The following DDX59 variants were observed in gnomAD, a reference collection of about 807,000 sequenced individuals.
DDX59 encodes probable ATP-dependent RNA helicase DDX59.
A neutral mutation model predicts 51.9 loss-of-function variants in DDX59; 30 were observed. The observed-to-expected ratio is 0.58, with a 90% CI of 0.43 to 0.78. The LOEUF (loss-of-function observed/expected upper bound fraction) is 0.78. DDX59 is among the 30% of genes least tolerant of loss of function. The pLI is 0.00. For synonymous variants in DDX59, 255 were observed against 253.3 expected (o/e 1.01, Z -0.06); for missense variants, 672 against 730.8 (o/e 0.92, Z 0.93).
In DDX59 at chr1:200,644,118, C is replaced by T. The variant is rs1397709331; in HGVS notation, c.*136G>A. 1.5e-6 allele frequency: 1 copy of T among 669,496 alleles called. No homozygotes were observed. Among genetic ancestry groups the T allele is most frequent in the African/African-American group, 1.9e-5 (1 of 51,824 alleles). 41.5% of individuals were successfully genotyped at this position (669,496 alleles called of 1,614,324 possible). A position where few individuals can be genotyped will look rare whatever the true frequency, so the allele number is the denominator to read the frequency against. On this transcript the variant is annotated 3_prime_UTR_variant, in exon 8 of 8. Coordinates refer to ENST00000331314, the MANE Select transcript of DDX59 (RefSeq NM_001031725.6). ...TTATAAGAATTAAGGGAAATAAATA[C>T]AATATAGTTATATAAATTTTATTAA...
At chr1:200,656,173 C>A (rs1662010109) in intron 4 of DDX59, among the ~76,000 whole-genome samples, 1 of 152,122 alleles carries the variant, frequency 6.6e-6, no homozygotes, top group Non-Finnish European at 1.5e-5. Flanking sequence ...CAGCCATTGG[C>A]AAACTACAGC....
intron 4 of DDX59, among the ~76,000 whole-genome samples, chr1:200,654,282 G>A (rs1320976387): frequency 1.3e-5 from 2 of 152,026 alleles, no homozygotes; most frequent in Non-Finnish European, 2.9e-5. Flanking sequence ...GCATGGTGGT[G>A]GGCGCCTGTA....
At chr1:200,657,127 G>C (rs1475259747) in intron 4 of DDX59, among the ~76,000 whole-genome samples, 1 of 151,714 alleles carries the variant, frequency 6.6e-6, no homozygotes, top group African/African-American at 2.4e-5. Context: ...GCACATGCCT[G>C]TAATCCCAGC....
intron 4 of DDX59, among the ~76,000 whole-genome samples, chr1:200,652,748 A>G (rs1349323989): frequency 6.9e-6 from 1 of 145,632 alleles, no homozygotes; most frequent in African/African-American, 2.6e-5. Flanking sequence ...GGCTCACTGC[A>G]ACTTCTGCCT....
At chr1:200,644,611 A>C in intron 7 of DDX59, 94 bp from the exon 8 acceptor site, 2 of 1,438,382 alleles carry the variant, frequency 1.4e-6, no homozygotes, top group Non-Finnish European at 1.8e-6. Flanking sequence ...AAGTAGCATT[A>C]CTGGCTGGGT....
Position 200,666,662 on chromosome 1 carries a change from G to A in DDX59, c.79C>T (p.Pro27Ser). 6.2e-7 allele frequency: 1 copy of A among 1,614,166 alleles called. No homozygotes were observed. The highest frequency in any genetic ancestry group is 8.5e-7 in the Non-Finnish European group (1 of 1,180,026). ...GKSCVAKIIK[P>S]DPEDLQLDKS... ...TCCAACTGAAGGTCTTCTGGGTCTGGTTTAATTATCTTAGCCACACAACTT... is the reference window on the plus strand; with the variant it reads ...TCCAACTGAAGGTCTTCTGGGTCTGATTTAATTATCTTAGCCACACAACTT... The change falls in exon 2 of 8, where the codon CCA (proline) becomes TCA (serine). Residue 27 changes from proline to serine, a missense_variant. Transcript: ENST00000331314.
chr1:200,646,013 A>G (rs888190029), intron 7 of DDX59, among the ~76,000 whole-genome samples: 4 of 152,232 alleles, frequency 2.6e-5, no homozygotes, highest in African/African-American at 9.6e-5. Flanking sequence ...AAATAAAAAA[A>G]TTCAAAAAGA....
At chr1:200,653,776 A>C (rs1661821189) in intron 4 of DDX59, among the ~76,000 whole-genome samples, 1 of 152,102 alleles carries the variant, frequency 6.6e-6, no homozygotes, top group Admixed American at 6.6e-5. Context: ...CCTGGCTGAA[A>C]GTCTTCCCTC....
intron 7 of DDX59, 100 bp downstream of exon 7, chr1:200,648,339 C>T: frequency 1.3e-6 from 2 of 1,524,376 alleles, no homozygotes; most frequent in South Asian, 1.2e-5. Flanking sequence ...GAGCCACTGT[C>T]CTGGCCGATA....
At chr1:200,649,337 T>C (rs952957458) in intron 5 of DDX59, 111 bp from the exon 6 acceptor site, 2 of 1,143,644 alleles carry the variant, frequency 1.7e-6, no homozygotes, top group Non-Finnish European at 1.2e-6. Context: ...ATAAATATTG[T>C]TAAGAAGGAG....
At chr1:200,661,224 CA>C (rs1662353844) in intron 3 of DDX59, among the ~76,000 whole-genome samples, 1 of 151,962 alleles carries the variant, frequency 6.6e-6, no homozygotes, top group African/African-American at 2.4e-5. Context: ...ACTGGAGTAT[CA>C]AAACAAATAA....
At chr1:200,669,647 T>C (rs1571667469) in intron 1 of DDX59, 120 bp downstream of exon 1, 1 of 152,236 alleles carries the variant, frequency 6.6e-6, no homozygotes, top group Non-Finnish European at 1.5e-5. Context: ...CACGGGGAAC[T>C]GTAAGGATGG....
At chr1:200,664,370 T>C (rs1662577045) in intron 2 of DDX59, among the ~76,000 whole-genome samples, 1 of 152,196 alleles carries the variant, frequency 6.6e-6, no homozygotes, top group Non-Finnish European at 1.5e-5. Flanking sequence ...TCCTAGTTTA[T>C]TGGACCCTGT....
chr1:200,641,091 G>T, downstream of DDX59: 1 of 1,074,448 alleles, frequency 9.3e-7, no homozygotes, highest in Non-Finnish European at 1.3e-6. Flanking sequence ...TCAGTTTACT[G>T]GTGGCTGCCA....
intron 3 of DDX59, 152 bp downstream of exon 3, chr1:200,663,767 T>TAA (rs59213524): frequency 0.017 from 9,971 of 575,750 alleles, no homozygotes; most frequent in Non-Finnish European, 0.02. Flanking sequence ...TAAAACAAAC[T>TAA]AAAAAAAAAA....
At chr1:200,658,926 G>T (rs1662202864) in intron 4 of DDX59, 101 bp downstream of exon 4, 5 of 1,007,006 alleles carry the variant, frequency 5.0e-6, no homozygotes, top group South Asian at 3.3e-5. Context: ...GGTTTTTTTT[G>T]AGAGAGAGAA....
chr1:200,641,669 G>A (rs1661054517), downstream of DDX59, among the ~76,000 whole-genome samples: 1 of 152,014 alleles, frequency 6.6e-6, no homozygotes, highest in East Asian at 1.9e-4. Flanking sequence ...CAGAGTTTGA[G>A]ACCAGCCTGG....
At chr1:200,662,057 A>G (rs1379085085) in intron 3 of DDX59, among the ~76,000 whole-genome samples, 1 of 152,158 alleles carries the variant, frequency 6.6e-6, no homozygotes. Flanking sequence ...TTCTGCCATG[A>G]TTGGAAGCTT....
At chr1:200,655,431 G>A (rs1326857733) in intron 4 of DDX59, among the ~76,000 whole-genome samples, 1 of 152,146 alleles carries the variant, frequency 6.6e-6, no homozygotes, top group Non-Finnish European at 1.5e-5. Context: ...ACGCAGCAGG[G>A]TAACCTCTTA....
Sources: gnomAD v4.1 joint callset for allele counts (sites outside exome capture counted in the v4.1 genomes callset) on GRCh38, gnomAD v4.1.1 for gene constraint, MANE v1.5 for transcripts, NCBI Gene and HGNC (gene_info 2026-07-23, HGNC 2026-07-21) for gene names.